EPB41: variants seen among roughly 807,000 people sequenced by gnomAD.
EPB41 encodes erythrocyte membrane protein band 4.1.
Under a neutral mutation model 108.0 loss-of-function variants are expected in EPB41, and 65 were observed. The ratio of observed to expected loss-of-function variants is 0.60; its 90% CI spans 0.49 to 0.74. The LOEUF (loss-of-function observed/expected upper bound fraction) is 0.74. Among genes scored for constraint, EPB41 ranks in the 30% least tolerant of loss-of-function variants. The probability of loss-of-function intolerance (pLI) is 0.00; values close to 1 mark genes in which losing one functional copy is unlikely to be tolerated. For synonymous variants in EPB41, 336 were observed against 358.9 expected, an observed-to-expected ratio of 0.94 and a Z score of 0.72; for missense variants, 875 against 1,037.0, an observed-to-expected ratio of 0.84 and a Z score of 2.15.
In EPB41 at chr1:28,987,027, C is replaced by T. The variant is rs1182724738; in HGVS notation, c.-7-404C>T. The stretch of plus-strand genomic sequence containing the variant: ...GTCTCTTGGTGTGTGGAGAATTTTG[C>T]AGGGAATAATTCCTGCAAATCCTAC... On this transcript the variant is annotated intron_variant, in intron 1 of 20. Transcript: ENST00000343067. 2.6e-5 allele frequency among the ~76,000 whole-genome samples: 4 copies of T among 152,070 alleles called. No individual in the cohort carries two copies. In the South Asian group the frequency reaches 8.3e-4, roughly 31 times the overall value.
chr1:29,098,295 C>T (rs909253523), intron 17 of EPB41, among the ~76,000 whole-genome samples: 29 of 151,916 alleles, frequency 1.9e-4, no homozygotes, highest in Non-Finnish European at 3.5e-4. Context: ...CCCGGGTTCA[C>T]GCCATTCTCC....
At chr1:29,099,132 C>T (rs1664336103) in intron 17 of EPB41, among the ~76,000 whole-genome samples, 1 of 150,442 alleles carries the variant, frequency 6.6e-6, no homozygotes, top group African/African-American at 2.4e-5. Flanking sequence ...CGTGGTGAAA[C>T]CCCATCTCTA....
At chr1:29,096,322 A>C (rs775714815) in intron 16 of EPB41, 52 of 985,762 alleles carry the variant, frequency 5.3e-5, no homozygotes, top group Non-Finnish European at 5.9e-5. Flanking sequence ...CCCTCTCCAT[A>C]AGCAGCAAGG....
At chr1:28,954,411 ATAGTT>A (rs752402747) in intron 1 of EPB41, among the ~76,000 whole-genome samples, 1 of 152,200 alleles carries the variant, frequency 6.6e-6, no homozygotes, top group Non-Finnish European at 1.5e-5. Context: ...AAAATTGAAA[ATAGTT>A]TGGTTTGAGG....
intron 4 of EPB41, among the ~76,000 whole-genome samples, chr1:29,007,129 G>C (rs1445906738): frequency 6.6e-6 from 1 of 151,404 alleles, no homozygotes; most frequent in Non-Finnish European, 1.5e-5. Context: ...GTCTCACCCT[G>C]TTGTCAGGCT....
At chr1:28,962,501 A>G (rs2095247781) in intron 1 of EPB41, among the ~76,000 whole-genome samples, 1 of 152,152 alleles carries the variant, frequency 6.6e-6, no homozygotes, top group Non-Finnish European at 1.5e-5. Context: ...TTGTGCCACT[A>G]TCACTACTAT....
chr1:28,908,443 T>TA (rs2092005914), intron 1 of EPB41, among the ~76,000 whole-genome samples: 9 of 145,832 alleles, frequency 6.2e-5, no homozygotes, highest in African/African-American at 2.3e-4. Flanking sequence ...TATTATTATT[T>TA]TTTTTTGAGA....
intron 4 of EPB41, 100 bp from the exon 5 acceptor site, chr1:29,011,765 C>A: frequency 1.6e-6 from 2 of 1,276,246 alleles, no homozygotes; most frequent in Non-Finnish European, 2.2e-6. Context: ...GCAGGTTGAT[C>A]TGGAGGCACT....
chr1:28,924,909 AC>A (rs1336282929), intron 1 of EPB41, among the ~76,000 whole-genome samples: 63 of 141,386 alleles, frequency 4.5e-4, no homozygotes, highest in African/African-American at 1.6e-3. Context: ...CAGTCCTCCC[AC>A]CTCAGCCTCC....
chr1:29,061,598 T>TTTTTGG (rs1646582569), intron 15 of EPB41, among the ~76,000 whole-genome samples: 2 of 145,266 alleles, frequency 1.4e-5, no homozygotes, highest in Admixed American at 7.0e-5. Flanking sequence ...TTTTTTTTTT[T>TTTTTGG]GAGGCGGGTC....
intron 16 of EPB41, among the ~76,000 whole-genome samples, chr1:29,086,482 C>T (rs977929030): frequency 2.6e-5 from 4 of 151,940 alleles, no homozygotes; most frequent in African/African-American, 9.7e-5. Context: ...CCATGTTGGC[C>T]AGGATGGTCT....
intron 4 of EPB41, among the ~76,000 whole-genome samples, chr1:29,003,710 G>T (rs982445096): frequency 1.3e-5 from 2 of 152,288 alleles, no homozygotes; most frequent in Non-Finnish European, 2.9e-5. Flanking sequence ...TGGCTTGCTT[G>T]TTCCCTTTTC....
At chr1:28,977,274 A>G (rs1317592670) in intron 1 of EPB41, among the ~76,000 whole-genome samples, 11 of 152,276 alleles carry the variant, frequency 7.2e-5, no homozygotes, top group African/African-American at 2.4e-4. Context: ...CCAAACTGCA[A>G]TGTTTTTGTG....
At chr1:28,996,629 G>A (rs2096182702) in intron 3 of EPB41, among the ~76,000 whole-genome samples, 1 of 152,144 alleles carries the variant, frequency 6.6e-6, no homozygotes, top group South Asian at 2.1e-4. Context: ...GAGATGGAAG[G>A]AAGGTAGAAT....
intron 1 of EPB41, among the ~76,000 whole-genome samples, chr1:28,960,895 A>G (rs1423987923): frequency 6.6e-6 from 1 of 151,960 alleles, no homozygotes; most frequent in African/African-American, 2.4e-5. Flanking sequence ...TTAGCCAGGC[A>G]TGGTGGCAGA....
chr1:29,019,864 A>G (rs923560249), intron 7 of EPB41, among the ~76,000 whole-genome samples: 11 of 152,130 alleles, frequency 7.2e-5, no homozygotes, highest in Non-Finnish European at 1.3e-4. Context: ...TTTAAAGTCT[A>G]CAACCTACAT....
chr1:29,083,224 A>G (rs1284729609), intron 16 of EPB41, among the ~76,000 whole-genome samples: 1 of 152,186 alleles, frequency 6.6e-6, no homozygotes, highest in Non-Finnish European at 1.5e-5. Context: ...AAAAATTAGA[A>G]TGAAGAGAAA....
At chr1:29,038,435 C>G (rs1640302537) in intron 10 of EPB41, among the ~76,000 whole-genome samples, 1 of 152,118 alleles carries the variant, frequency 6.6e-6, no homozygotes, top group Admixed American at 6.5e-5. Context: ...AAGAGAATAC[C>G]TTAAAATCTA....
chr1:28,912,576 C>T (rs919715881), upstream of EPB41, among the ~76,000 whole-genome samples: 1 of 152,102 alleles, frequency 6.6e-6, no homozygotes, highest in African/African-American at 2.4e-5. Context: ...CTAGGCACTG[C>T]TCTAAGTCCT....
Sources: gnomAD v4.1 joint callset for allele counts (sites outside exome capture counted in the v4.1 genomes callset) on GRCh38, gnomAD v4.1.1 for gene constraint, MANE v1.5 for transcripts, NCBI Gene and HGNC (gene_info 2026-07-23, HGNC 2026-07-21) for gene names.